Variants in NCAM1 observed in about 807,000 individuals in gnomAD.
The protein encoded by NCAM1 is antigen recognized by monoclonal antibody 5.1H11.
A neutral mutation model predicts 109.8 loss-of-function variants in NCAM1; 14 were observed. The ratio of observed to expected loss-of-function variants is 0.13; its 90% CI spans 0.08 to 0.20. The LOEUF is 0.20. Among genes scored for constraint, NCAM1 ranks in the 10% least tolerant of loss-of-function variants. The pLI, the probability that NCAM1 is intolerant of heterozygous loss-of-function variation, is 1.00. For missense variants in NCAM1, 774 were observed against 1,109.9 expected, an observed-to-expected ratio of 0.70 and a Z score of 4.30; for synonymous variants, 418 against 442.9, an observed-to-expected ratio of 0.94 and a Z score of 0.70.
intron 1 of NCAM1, among the ~76,000 whole-genome samples, chr11:113,158,293 GT>G (rs79060574): frequency 0.092 from 14,059 of 152,140 alleles, 921 homozygotes; most frequent in East Asian, 0.26. Flanking sequence ...TTCATTCATT[GT>G]TGGGAAAATG....
Position 113,278,202 on chromosome 11 carries a change from T to C in NCAM1, c.*2815T>C, listed in dbSNP as rs1231034356. 1 of 152,198 alleles carries C rather than the reference T, an allele frequency of 6.6e-6. No homozygotes were observed. Among genetic ancestry groups the C allele is most frequent in the Admixed American group, 6.5e-5 (1 of 15,286 alleles). 9.4% of individuals were successfully genotyped at this position (152,198 alleles called of 1,614,324 possible). A position where few individuals can be genotyped will look rare whatever the true frequency, so the allele number is the denominator to read the frequency against. Reference sequence around the variant, plus strand: ...TATGGAGCCTTCCGAGTCCCAGGTTTTCACTTGAGGCTGTCTGTCTGGATG... The same window carrying C: ...TATGGAGCCTTCCGAGTCCCAGGTTCTCACTTGAGGCTGTCTGTCTGGATG... On this transcript the variant is annotated 3_prime_UTR_variant, in exon 20 of 20. Transcript: ENST00000316851.
At chr11:113,097,591 A>C (rs1939658228) in intron 1 of NCAM1, among the ~76,000 whole-genome samples, 1 of 142,166 alleles carries the variant, frequency 7.0e-6, no homozygotes, top group Non-Finnish European at 1.5e-5. Flanking sequence ...GAAATTTATA[A>C]GAGGTGACTT....
intron 1 of NCAM1, among the ~76,000 whole-genome samples, chr11:113,183,684 G>A (rs1379496701): frequency 6.6e-6 from 1 of 152,174 alleles, no homozygotes; most frequent in East Asian, 1.9e-4. Context: ...ACTTTCAGCA[G>A]CAAATTATTT....
At chr11:113,063,282 C>T (rs1555083710) in intron 1 of NCAM1, among the ~76,000 whole-genome samples, 2 of 152,174 alleles carry the variant, frequency 1.3e-5, no homozygotes, top group South Asian at 2.1e-4. Context: ...GATTCATAGC[C>T]ATATGGGGTA....
chr11:112,996,298 A>G (rs1306044624), intron 1 of NCAM1, among the ~76,000 whole-genome samples: 1 of 152,206 alleles, frequency 6.6e-6, no homozygotes, highest in African/African-American at 2.4e-5. Flanking sequence ...GACATTTAAC[A>G]TGAGCTCTAC....
At chr11:113,015,040 C>A (rs782762271) in intron 1 of NCAM1, among the ~76,000 whole-genome samples, 3 of 152,232 alleles carry the variant, frequency 2.0e-5, no homozygotes, top group Non-Finnish European at 4.4e-5. Flanking sequence ...GTCTCCACCC[C>A]CTCACCATTT....
chr11:113,273,636 GT>G lies in NCAM1; in HGVS notation c.2457-1626del. The G allele has an allele frequency of 2.2e-6, 1 of 455,376 alleles. No individual in the cohort carries two copies. Among genetic ancestry groups the G allele is most frequent in the Non-Finnish European group, 4.4e-6 (1 of 226,106 alleles). The allele number at this position is 455,376 out of a possible 1,614,324, so 28.2% of individuals were successfully genotyped here. A position where few individuals can be genotyped will look rare whatever the true frequency, so the allele number is the denominator to read the frequency against. On this transcript the variant is annotated intron_variant, in intron 19 of 19. Coordinates refer to ENST00000316851, the MANE Select transcript of NCAM1 (RefSeq NM_181351.5). This position sits in a 1 kb window ranked among gnomAD's most constrained non-coding sequence, Gnocchi z 6.0. ...CCCAGATATTGACCTTGCAAAGGATGTTTTTGCAGCCCTGGGCTCTCCTGCT... is the reference window on the plus strand; with the variant it reads ...CCCAGATATTGACCTTGCAAAGGATGTTTTGCAGCCCTGGGCTCTCCTGCT...
intron 1 of NCAM1, among the ~76,000 whole-genome samples, chr11:113,023,241 T>C (rs1370071613): frequency 1.3e-5 from 2 of 152,218 alleles, no homozygotes; most frequent in Non-Finnish European, 2.9e-5. Context: ...GAAGCTCTTA[T>C]TAGAATACAA....
At chr11:113,262,837 C>T (rs1555123636) in intron 17 of NCAM1, 1 of 1,613,648 alleles carries the variant, frequency 6.2e-7, no homozygotes, top group Non-Finnish European at 8.5e-7. Context: ...CATTGCTTGA[C>T]ACCTGCAGCA....
chr11:113,115,693 C>G (rs1392988677), intron 1 of NCAM1, among the ~76,000 whole-genome samples: 2 of 152,186 alleles, frequency 1.3e-5, no homozygotes, highest in African/African-American at 4.8e-5. Context: ...ATTCTTGGAT[C>G]TCCTTCTTCC....
In NCAM1 at chr11:113,207,473, GGC is replaced by G; in HGVS notation, c.746+96_746+97del. ...TTAGTGTCTGCGTGGAATGGATGTG[GGC>G]TTCTTAGGAATATTAACCCCAGGAG... On this transcript the variant is annotated intron_variant, in intron 6 of 19. Transcript: ENST00000316851. 5.2e-6 allele frequency: 5 copies of G among 966,408 alleles called. No homozygotes were observed. In the South Asian group the frequency reaches 7.6e-5, roughly 15 times the overall value. The allele number at this position is 966,408 out of a possible 1,614,324, so 59.9% of individuals were successfully genotyped here. A position where few individuals can be genotyped will look rare whatever the true frequency, so the allele number is the denominator to read the frequency against.
chr11:113,142,458 G>C (rs1555100646), intron 1 of NCAM1, among the ~76,000 whole-genome samples: 2 of 152,190 alleles, frequency 1.3e-5, no homozygotes, highest in African/African-American at 4.8e-5. Flanking sequence ...TGGGACATCT[G>C]CATGTCTGTA....
intron 1 of NCAM1, among the ~76,000 whole-genome samples, chr11:113,115,012 C>A (rs527342690): frequency 6.6e-6 from 1 of 152,040 alleles, no homozygotes; most frequent in African/African-American, 2.4e-5. Context: ...CAGAAAAGAC[C>A]GTTATAAATC....
In NCAM1 at chr11:113,143,930, A is replaced by G. The variant is rs532157875; in HGVS notation, c.53-58449A>G. ...TGTCACAGAAAACATAAACAAGTAG[A>G]GATCCATGGTTGCTTGGAAATCAAC... On this transcript the variant is annotated intron_variant, in intron 1 of 19. Transcript: ENST00000316851. 2.0e-5 allele frequency among the ~76,000 whole-genome samples: 3 copies of G among 152,318 alleles called. No individual in the cohort carries two copies. The South Asian group carries it at 6.2e-4, about 32-fold the overall frequency.
chr11:113,077,340 G>A (rs1483959134), intron 1 of NCAM1, among the ~76,000 whole-genome samples: 3 of 152,174 alleles, frequency 2.0e-5, no homozygotes, highest in Admixed American at 6.5e-5. Context: ...GCAAAGAAGG[G>A]AAGAAGAGCA....
chr11:113,245,513 G>T (rs1223678110), intron 14 of NCAM1, among the ~76,000 whole-genome samples: 1 of 152,174 alleles, frequency 6.6e-6, no homozygotes, highest in Non-Finnish European at 1.5e-5. Context: ...TGGGCCAAAG[G>T]TACAGTTTCT....
At chr11:113,183,864 C>G (rs782359555) in intron 1 of NCAM1, among the ~76,000 whole-genome samples, 1 of 152,148 alleles carries the variant, frequency 6.6e-6, no homozygotes, top group Non-Finnish European at 1.5e-5. Context: ...ATTTGACTTT[C>G]TCTTGATCGT....
intron 17 of NCAM1, chr11:113,265,047 C>T (rs782707411): frequency 1.3e-5 from 13 of 985,388 alleles, no homozygotes; most frequent in Non-Finnish European, 1.6e-5. Flanking sequence ...CACCATGGGG[C>T]CCCTTTGCTC....
intron 1 of NCAM1, among the ~76,000 whole-genome samples, chr11:113,104,618 C>G (rs968115626): frequency 6.6e-6 from 1 of 152,120 alleles, no homozygotes; most frequent in East Asian, 1.9e-4. Context: ...GGTAATCACT[C>G]GCTGTCCTCA....
Sources: gnomAD v4.1 joint callset for allele counts (sites outside exome capture counted in the v4.1 genomes callset) on GRCh38, gnomAD v4.1.1 for gene constraint, Gnocchi (gnomAD v3.1) non-coding constraint, MANE v1.5 for transcripts, NCBI Gene and HGNC (gene_info 2026-07-23, HGNC 2026-07-21) for gene names.